ETV1: variants seen among roughly 807,000 people sequenced by gnomAD.
ETV1 encodes the protein ETS variant transcription factor 1.
In ETV1, 27 loss-of-function variants were observed where a neutral mutation model predicts 62.3. The observed-to-expected ratio is 0.43, with a 90% CI of 0.32 to 0.60. ETV1 has a LOEUF of 0.60. Among genes scored for constraint, ETV1 ranks in the 20% least tolerant of loss-of-function variants. ETV1 has a pLI of 0.06. For missense variants in ETV1, 605 were observed against 605.8 expected, an observed-to-expected ratio of 1.00 and a Z score of 0.01; for synonymous variants, 222 against 199.6, an observed-to-expected ratio of 1.11 and a Z score of -0.94.
chr7:13,990,319 T>C (rs970687677), upstream of ETV1: 1 of 152,188 alleles, frequency 6.6e-6, no homozygotes, highest in Non-Finnish European at 1.5e-5. Flanking sequence ...GGAAGGCACC[T>C]AGGAGATGCA....
At chr7:13,959,972 C>T (rs1789978072) in intron 6 of ETV1, among the ~76,000 whole-genome samples, 1 of 125,210 alleles carries the variant, frequency 8.0e-6, no homozygotes, top group Non-Finnish European at 1.7e-5. Flanking sequence ...ATTTATCTTT[C>T]TTAAGTTAAA....
chr7:13,981,308 C>G (rs1775015468), intron 5 of ETV1, among the ~76,000 whole-genome samples: 1 of 152,062 alleles, frequency 6.6e-6, no homozygotes, highest in African/African-American at 2.4e-5. Context: ...AACTGGAGTT[C>G]TGCCTCCATT....
chr7:13,961,593 CT>C (rs1328678173), intron 6 of ETV1, among the ~76,000 whole-genome samples: 3 of 152,032 alleles, frequency 2.0e-5, no homozygotes, highest in Non-Finnish European at 2.9e-5. Context: ...AAAATCAACA[CT>C]TTTTTTCCCT....
At chr7:13,919,824 AT>A (rs1052502344) in intron 9 of ETV1, among the ~76,000 whole-genome samples, 24 of 152,116 alleles carry the variant, frequency 1.6e-4, no homozygotes, top group Non-Finnish European at 3.5e-4. Flanking sequence ...ACTTTAAAAA[AT>A]GTTATATGTT....
chr7:13,946,264 C>T lies in ETV1; in HGVS notation c.236-7018G>A, dbSNP rs77088669. Among the ~76,000 whole-genome samples, 315 of 152,214 alleles carry T rather than the reference C, an allele frequency of 2.1e-3. 1 individual carries two copies. The highest frequency in any genetic ancestry group is 7.5e-3 in the South Asian group (36 of 4,824). On this transcript the variant is annotated intron_variant, in intron 6 of 13. Transcript: ENST00000430479. ...AAACTTTTATGATCCACAACTCCTC[C>T]GGACAATCAAATTTTTGGGAGGAAA...
intron 4 of ETV1, 57 bp from the exon 5 acceptor site, chr7:13,986,742 AATGGAAATATTTGTC>A: frequency 8.3e-7 from 1 of 1,202,508 alleles, no homozygotes. Flanking sequence ...ATCTTCATTA[AATGGAAATATTTGTC>A]ATGAAATTGG....
chr7:13,900,564 T>C, intron 13 of ETV1, 174 bp downstream of exon 13: 1 of 542,490 alleles, frequency 1.8e-6, no homozygotes, highest in Non-Finnish European at 3.2e-6. Flanking sequence ...TTGTCTACAA[T>C]GTCTAGGCAT....
intron 9 of ETV1, among the ~76,000 whole-genome samples, chr7:13,926,417 T>A (rs900355690): frequency 1.3e-5 from 2 of 152,214 alleles, no homozygotes; most frequent in Non-Finnish European, 2.9e-5. Flanking sequence ...TATATTGCTA[T>A]AAACATCTAA....
At chr7:13,919,842 T>A (rs1482679080) in intron 9 of ETV1, among the ~76,000 whole-genome samples, 1 of 151,926 alleles carries the variant, frequency 6.6e-6, no homozygotes, top group African/African-American at 2.4e-5. Flanking sequence ...TGTTCCCTTC[T>A]TTTGTTCATA....
rs763201630 is a variant in ETV1, at chr7:13,894,692, T to C, written c.*1174A>G. 3.1e-4 allele frequency: 73 copies of C among 232,568 alleles called. 1 individual carries two copies. The highest frequency in any genetic ancestry group is 5.1e-4 in the Non-Finnish European group (60 of 117,434). 14.4% of individuals were successfully genotyped at this position (232,568 alleles called of 1,614,324 possible). ...TCCTGAAATGCTATCTGTAGTTAACTGCACTGCTTATAAATGGTCATAGTA... is the reference window on the plus strand; with the variant it reads ...TCCTGAAATGCTATCTGTAGTTAACCGCACTGCTTATAAATGGTCATAGTA... On this transcript the variant is annotated 3_prime_UTR_variant, in exon 14 of 14. Transcript: ENST00000430479.
chr7:13,961,550 T>C (rs967512162), intron 6 of ETV1, among the ~76,000 whole-genome samples: 11 of 152,206 alleles, frequency 7.2e-5, no homozygotes, highest in African/African-American at 2.2e-4. Flanking sequence ...TAATTATTAT[T>C]GCTTTACATT....
chr7:13,939,093 C>A lies in ETV1; in HGVS notation c.365+24G>T, dbSNP rs766551809. 6 of 1,604,740 alleles carry A rather than the reference C, an allele frequency of 3.7e-6. No individual in the cohort carries two copies. The Admixed American group carries it at 6.9e-5, about 18-fold the overall frequency. Reference sequence around the variant, plus strand: ...TGATTCAATAAGAACCACTATCCTACATACATACACCTGGTGGCTTTACCT... The same window carrying A: ...TGATTCAATAAGAACCACTATCCTAAATACATACACCTGGTGGCTTTACCT... On this transcript the variant is annotated intron_variant, in intron 7 of 13. Transcript: ENST00000430479.
At chr7:13,907,026 C>G (rs1327991015) in intron 11 of ETV1, among the ~76,000 whole-genome samples, 2 of 152,146 alleles carry the variant, frequency 1.3e-5, no homozygotes, top group Non-Finnish European at 2.9e-5. Flanking sequence ...GCATTTGATT[C>G]ATACAAATTA....
chr7:13,906,473 C>T lies in ETV1; in HGVS notation c.1067G>A (p.Trp356Ter). 6.2e-7 allele frequency: 1 copy of T among 1,609,754 alleles called. No individual in the cohort carries two copies. Among genetic ancestry groups the T allele is most frequent in the Non-Finnish European group, 8.5e-7 (1 of 1,177,950 alleles). Reference protein sequence around the residue: ...DDPSNSHFIAWTGRGMEFKLI... With the variant: ...DDPSNSHFIA Reference sequence around the variant, plus strand: ...TTTAAATTCCATGCCTCGACCAGTCCAGGCAATAAAATGAGAATTTGAAGG... The same window carrying T: ...TTTAAATTCCATGCCTCGACCAGTCTAGGCAATAAAATGAGAATTTGAAGG... Residue 356 changes from tryptophan to a stop codon, truncating the protein, a stop_gained, in exon 12 of 14, where the codon TGG becomes TAG. Coordinates refer to ENST00000430479, the MANE Select transcript of ETV1 (RefSeq NM_004956.5). LOFTEE classifies it high-confidence loss of function.
intron 12 of ETV1, among the ~76,000 whole-genome samples, chr7:13,904,292 G>A (rs1782733575): frequency 6.6e-6 from 1 of 152,176 alleles, no homozygotes; most frequent in Non-Finnish European, 1.5e-5. Flanking sequence ...ATTTGGAAAC[G>A]CTCTACTGAC....
chr7:13,987,300 A>G (rs1782634906), intron 4 of ETV1, among the ~76,000 whole-genome samples: 1 of 151,224 alleles, frequency 6.6e-6, no homozygotes, highest in African/African-American at 2.4e-5. Flanking sequence ...CTATATGGTC[A>G]TGTTAGGGAG....
chr7:13,924,171 G>C (rs903776007), intron 9 of ETV1, among the ~76,000 whole-genome samples: 4 of 152,176 alleles, frequency 2.6e-5, no homozygotes, highest in African/African-American at 7.2e-5. Flanking sequence ...AATGGATTCA[G>C]CTGACAATGG....
At chr7:13,965,200 G>A (rs1790645215) in intron 6 of ETV1, among the ~76,000 whole-genome samples, 1 of 152,086 alleles carries the variant, frequency 6.6e-6, no homozygotes, top group Non-Finnish European at 1.5e-5. Context: ...CTTGAATTCT[G>A]GTAAATAAGA....
At chr7:13,988,697 G>C in intron 3 of ETV1, 2 of 1,611,982 alleles carry the variant, frequency 1.2e-6, no homozygotes, top group Non-Finnish European at 1.7e-6. Flanking sequence ...TTTTCAATGT[G>C]GCAGACAAAC....
Sources: allele counts gnomAD v4.1 joint callset (sites outside exome capture counted in the v4.1 genomes callset), GRCh38; gene constraint gnomAD v4.1.1; transcripts MANE v1.5; gene names NCBI Gene and HGNC (gene_info 2026-07-23, HGNC 2026-07-21).